Variants in INO80D observed in about 807,000 individuals in gnomAD.
INO80D encodes INO80 complex subunit D.
A neutral mutation model predicts 87.6 loss-of-function variants in INO80D; 21 were observed. That is an observed-to-expected ratio of 0.24 (90% CI 0.17 to 0.35). The LOEUF (loss-of-function observed/expected upper bound fraction) is 0.35, where lower values mean the gene tolerates loss of function less well. INO80D is among the 10% of genes least tolerant of loss of function. The pLI, the probability that INO80D is intolerant of heterozygous loss-of-function variation, is 1.00. For missense variants in INO80D, 982 were observed against 1,280.7 expected (o/e 0.77, Z 3.56); for synonymous variants, 440 against 491.0 (o/e 0.90, Z 1.37).
chr2:206,013,930 G>A lies in INO80D; in HGVS notation c.1542+3750C>T, dbSNP rs919085664. ...TCCCAGCACTTTGGGAGACCAAGCC[G>A]GGTGGATCACCTGAGGTCAGGAGTT... On this transcript the variant is annotated intron_variant, in intron 8 of 10. Transcript: ENST00000403263. Among the ~76,000 whole-genome samples the A allele has an allele frequency of 8.9e-4, 135 of 151,406 alleles. 1 individual carries two copies. The highest frequency in any genetic ancestry group is 5.8e-4 in the East Asian group (3 of 5,160).
rs976974313 is a variant in INO80D, at chr2:205,993,919, G to A, written c.*10449C>T. ...AAACAAGGACCAGATAACAAAAGGA[G>A]ACCAATTCATTATTATTTCATCAAA... On this transcript the variant is annotated 3_prime_UTR_variant, in exon 11 of 11. Coordinates refer to ENST00000403263, the MANE Select transcript of INO80D (RefSeq NM_017759.5). 2 of 152,130 alleles carry A rather than the reference G, an allele frequency of 1.3e-5. No individual in the cohort carries two copies. The highest frequency in any genetic ancestry group is 4.8e-5 in the African/African-American group (2 of 41,402). The allele number at this position is 152,130 out of a possible 1,614,324, so 9.4% of individuals were successfully genotyped here.
At chr2:206,009,075 C>T (rs1354127619) in intron 9 of INO80D, among the ~76,000 whole-genome samples, 1 of 152,140 alleles carries the variant, frequency 6.6e-6, no homozygotes, top group Non-Finnish European at 1.5e-5. Context: ...TTTGGGAGGC[C>T]GAGGCAGGTG....
rs1687841597 is a variant in INO80D at position 205,998,185 on chromosome 2, A to G, written c.*6183T>C. ...TTAGTTTACAAATTCCAGCTACAGTAGTTGGAGTTTTACTTGATCTATGTA... is the reference window on the plus strand; with the variant it reads ...TTAGTTTACAAATTCCAGCTACAGTGGTTGGAGTTTTACTTGATCTATGTA... On this transcript the variant is annotated 3_prime_UTR_variant, in exon 11 of 11. Transcript: ENST00000403263. The G allele has an allele frequency of 6.6e-6, 1 of 152,188 alleles. No individual in the cohort carries two copies. Among genetic ancestry groups the G allele is most frequent in the Non-Finnish European group, 1.5e-5 (1 of 68,006 alleles). The allele number at this position is 152,188 out of a possible 1,614,324, so 9.4% of individuals were successfully genotyped here. A position where few individuals can be genotyped will look rare whatever the true frequency, so the allele number is the denominator to read the frequency against.
chr2:206,030,720 T>A (rs1688741129), intron 5 of INO80D, among the ~76,000 whole-genome samples: 1 of 152,186 alleles, frequency 6.6e-6, no homozygotes, highest in East Asian at 1.9e-4. Flanking sequence ...TAACCTTTAT[T>A]CCACAGGTAA....
Position 206,004,885 on chromosome 2 carries a change from A to G in INO80D, c.2567T>C (p.Met856Thr). 4 of 1,614,042 alleles carry G rather than the reference A, an allele frequency of 2.5e-6. No individual in the cohort carries two copies. The highest frequency in any genetic ancestry group is 2.5e-6 in the Non-Finnish European group (3 of 1,179,892). The change falls in exon 11 of 11, where the codon ATG becomes ACG. Residue 856 changes from methionine (M) to threonine (T), a missense_variant. Met to Thr is a moderately conservative substitution (Grantham distance 81). Transcript: ENST00000403263. The surrounding 1 kb of genome is among the most constrained non-coding windows in gnomAD (Gnocchi z 4.9). The stretch of plus-strand genomic sequence containing the variant: ...CATCTCTGCTGAAAAGGTAGCTGCC[A>G]TATTATCACCAGAGTACGATGTTGT... ...PHTTSYSGDN[M>T]AATFSAEMPI...
At chr2:206,007,167 A>G (rs1688048800) in intron 10 of INO80D, 117 bp downstream of exon 10, 1 of 828,224 alleles carries the variant, frequency 1.2e-6, no homozygotes, top group South Asian at 1.8e-5. Flanking sequence ...TTTCCTATCT[A>G]CAGTGAAAGA....
chr2:206,079,343 G>T (rs1283330642), intron 1 of INO80D, among the ~76,000 whole-genome samples: 1 of 152,138 alleles, frequency 6.6e-6, no homozygotes. Flanking sequence ...AGAGTGCTGG[G>T]ACTACAGTTG....
chr2:206,062,627 A>G lies in INO80D; in HGVS notation c.218+172T>C, dbSNP rs1294690105. On this transcript the variant is annotated intron_variant, in intron 3 of 10. Coordinates refer to ENST00000403263, the MANE Select transcript of INO80D (RefSeq NM_017759.5). This position sits in a 1 kb window ranked among gnomAD's most constrained non-coding sequence, Gnocchi z 4.6. ...AAAAAATTGCCATATTTCATCTTTA[A>G]AAGTATTCCATAGATTACTTAGATT... 2.0e-5 allele frequency among the ~76,000 whole-genome samples: 3 copies of G among 152,224 alleles called. No individual in the cohort carries two copies. The highest frequency in any genetic ancestry group is 2.1e-4 in the South Asian group (1 of 4,832).
chr2:206,075,218 A>G (rs548924030), intron 1 of INO80D, among the ~76,000 whole-genome samples: 3 of 152,308 alleles, frequency 2.0e-5, no homozygotes, highest in South Asian at 2.1e-4. Context: ...CAGTCTTCCA[A>G]TGATAACCAC....
At chr2:206,019,701 T>G (rs779043096) in intron 7 of INO80D, 35 bp downstream of exon 7, 2 of 1,538,282 alleles carry the variant, frequency 1.3e-6, no homozygotes, top group African/African-American at 1.4e-5. Context: ...AGGTAGTACT[T>G]TTTCAATGCA....
chr2:206,028,376 T>C (rs774248133), intron 5 of INO80D, 41 bp from the exon 6 acceptor site: 1 of 1,465,092 alleles, frequency 6.8e-7, no homozygotes, highest in Non-Finnish European at 9.3e-7. Context: ...TGATTACACA[T>C]TAGGCTCATT....
chr2:206,035,097 A>G lies in INO80D; in HGVS notation c.1074-6762T>C, dbSNP rs182995484. Among the ~76,000 whole-genome samples the G allele has an allele frequency of 3.3e-5, 5 of 152,322 alleles. No homozygotes were observed. In the East Asian group the frequency reaches 9.6e-4, roughly 29 times the overall value. On this transcript the variant is annotated intron_variant, in intron 5 of 10. Transcript: ENST00000403263. ...ACTGCTGAAAGAAATCATGGATGAC[A>G]CGAACAAATGGAAACACATCCCATG...
rs1331473386 is a variant in INO80D, at chr2:206,085,062, G to A, written c.-124+839C>T. On this transcript the variant is annotated intron_variant, in intron 1 of 10. Coordinates refer to ENST00000403263, the MANE Select transcript of INO80D (RefSeq NM_017759.5). This position sits in a 1 kb window ranked among gnomAD's most constrained non-coding sequence, Gnocchi z 4.5. ...GGCGGAGTACCTTCTTCAATGGACA[G>A]GAACTGGCAAAGAGTTTCAAAATAG... is the stretch of plus-strand genomic sequence containing the variant. Among the ~76,000 whole-genome samples the A allele has an allele frequency of 1.3e-5, 2 of 152,030 alleles. No homozygotes were observed. The highest frequency in any genetic ancestry group is 2.9e-5 in the Non-Finnish European group (2 of 67,988).
At chr2:206,067,323 A>G (rs1267208297) in intron 1 of INO80D, among the ~76,000 whole-genome samples, 1 of 152,062 alleles carries the variant, frequency 6.6e-6, no homozygotes, top group East Asian at 1.9e-4. Flanking sequence ...AGGGGAAAGA[A>G]GAGAATATGG....
intron 1 of INO80D, among the ~76,000 whole-genome samples, chr2:206,075,580 G>T (rs1451133001): frequency 6.6e-6 from 1 of 151,740 alleles, no homozygotes. Flanking sequence ...GGATTTACAG[G>T]CAAGCACCAC....
rs746637440 is a variant in INO80D at position 206,028,331 on chromosome 2, C to G, written c.1078G>C (p.Asp360His). Residue 360 changes from aspartate to histidine, a missense_variant, in exon 6 of 11, where the codon GAT becomes CAT. Asp to His is a moderately conservative substitution (Grantham distance 81, BLOSUM62 -1). Transcript: ENST00000403263. ...CTCCTACTCTCCGCATCATCATCAT[C>G]TGACCTGGAAAGTGCAGGGAGAGAA... The part of the protein sequence containing the change: ...ETLRYQRHAS[D>H]DDDAESRSSR... The G allele has an allele frequency of 3.1e-6, 5 of 1,593,350 alleles. No individual in the cohort carries two copies. Among genetic ancestry groups the G allele is most frequent in the Non-Finnish European group, 4.3e-6 (5 of 1,164,108 alleles).
intron 9 of INO80D, among the ~76,000 whole-genome samples, chr2:206,008,272 C>T (rs1426972892): frequency 5.4e-5 from 8 of 148,566 alleles, no homozygotes; most frequent in Admixed American, 4.1e-4. Flanking sequence ...GCATGAGCCA[C>T]CATGCCTTGC....
intron 9 of INO80D, 46 bp from the exon 10 acceptor site, chr2:206,007,487 C>T: frequency 6.4e-7 from 1 of 1,555,080 alleles, no homozygotes; most frequent in Non-Finnish European, 8.7e-7. Context: ...CCATTATCTT[C>T]ACATCAATAC....
chr2:206,002,307 G>A lies in INO80D; in HGVS notation c.*2061C>T, dbSNP rs973863326. Reference sequence around the variant, plus strand: ...AAAGCTTACTAATATAGACTCACAGGTGAGAAATATTCAAATTATCTGTTC... The same window carrying A: ...AAAGCTTACTAATATAGACTCACAGATGAGAAATATTCAAATTATCTGTTC... On this transcript the variant is annotated 3_prime_UTR_variant, in exon 11 of 11. Coordinates refer to ENST00000403263, the MANE Select transcript of INO80D (RefSeq NM_017759.5). 4.6e-5 allele frequency: 7 copies of A among 152,064 alleles called. No homozygotes were observed. Among genetic ancestry groups the A allele is most frequent in the Non-Finnish European group, 8.8e-5 (6 of 68,020 alleles). The allele number at this position is 152,064 out of a possible 1,614,324, so 9.4% of individuals were successfully genotyped here. A position where few individuals can be genotyped will look rare whatever the true frequency, so the allele number is the denominator to read the frequency against.
Sources: gnomAD v4.1 joint callset for allele counts (sites outside exome capture counted in the v4.1 genomes callset) on GRCh38, gnomAD v4.1.1 for gene constraint, Gnocchi (gnomAD v3.1) non-coding constraint, MANE v1.5 for transcripts, NCBI Gene and HGNC (gene_info 2026-07-23, HGNC 2026-07-21) for gene names.